CAVIN2: variants seen among roughly 807,000 people sequenced by gnomAD.
CAVIN2 encodes the protein caveolae associated protein 2.
Under a neutral mutation model 11.7 loss-of-function variants are expected in CAVIN2, and 13 were observed. That is an observed-to-expected ratio of 1.11 (90% CI 0.72 to 1.77). CAVIN2 has a LOEUF of 1.77. CAVIN2 is among the 40% of genes most tolerant of loss of function. The pLI, the probability that CAVIN2 is intolerant of heterozygous loss-of-function variation, is 0.00. For missense variants in CAVIN2, 549 were observed against 542.9 expected (o/e 1.01, Z -0.11); for synonymous variants, 237 against 223.2 (o/e 1.06, Z -0.55).
In CAVIN2 at chr2:191,836,230, A is replaced by T. The variant is rs1460980847; in HGVS notation, c.971T>A (p.Met324Lys). The change falls in exon 2 of 2, where the codon ATG becomes AAG. Residue 324 changes from methionine (M) to lysine (K), a missense_variant. Transcript: ENST00000304141. ...GGACTCCTCTTCCTGGTCATTTGGC[A>T]TCTGCTCACTGCTAGGCAGGTCTTC... ...KSEDLPSSEQ[M>K]PNDQEEESFA... 6.2e-7 allele frequency: 1 copy of T among 1,614,070 alleles called. No homozygotes were observed. The highest frequency in any genetic ancestry group is 1.3e-5 in the African/African-American group (1 of 75,042).
At chr2:191,836,907 G>T (rs1690030934) in intron 1 of CAVIN2, among the ~76,000 whole-genome samples, 190 bp from the exon 2 acceptor site, 1 of 152,166 alleles carries the variant, frequency 6.6e-6, no homozygotes, top group South Asian at 2.1e-4. Context: ...GCTGGATAAG[G>T]CCAAGGGCAG....
intron 1 of CAVIN2, among the ~76,000 whole-genome samples, chr2:191,843,543 G>A (rs1050156652): frequency 6.6e-6 from 1 of 152,184 alleles, no homozygotes; most frequent in Non-Finnish European, 1.5e-5. Context: ...TGAAGATTAT[G>A]CTGTGACTGG....
rs778469005 is a variant in CAVIN2, at chr2:191,846,435, G to A, written c.483+8C>T. On this transcript the variant is annotated splice_region_variant and intron_variant, in intron 1 of 1. Coordinates refer to ENST00000304141, the MANE Select transcript of CAVIN2 (RefSeq NM_004657.6). ...GCCCGCCTGTAAGGAGGCATAGGGG[G>A]AACTGACCTGGAAGATGAGCACTTT... 2 of 1,606,458 alleles carry A rather than the reference G, an allele frequency of 1.2e-6. No individual in the cohort carries two copies. The highest frequency in any genetic ancestry group is 1.7e-6 in the Non-Finnish European group (2 of 1,175,722).
chr2:191,843,850 T>G (rs1033988244), intron 1 of CAVIN2, among the ~76,000 whole-genome samples: 10 of 152,212 alleles, frequency 6.6e-5, no homozygotes, highest in African/African-American at 2.4e-4. Context: ...TGTTATTTCT[T>G]TCATTCCTCA....
rs371428159 is a variant in CAVIN2, at chr2:191,846,870, C to T, written c.56G>A (p.Arg19Gln). ...EKFQHPGSDMRQEKPSSPSPM... is the reference protein window; with the variant it reads ...EKFQHPGSDMQQEKPSSPSPM... ...GCTGGGGCTCGAGGGCTTTTCCTGCCGCATGTCAGACCCAGGGTGCTGGAA... is the reference window on the plus strand; with the variant it reads ...GCTGGGGCTCGAGGGCTTTTCCTGCTGCATGTCAGACCCAGGGTGCTGGAA... Residue 19 changes from arginine to glutamine, a missense_variant, in exon 1 of 2, where the codon CGG becomes CAG. Physicochemically the swap from Arg to Gln is conservative, Grantham distance 43. Coordinates refer to ENST00000304141, the MANE Select transcript of CAVIN2 (RefSeq NM_004657.6). 30 of 1,613,882 alleles carry T rather than the reference C, an allele frequency of 1.9e-5. No individual in the cohort carries two copies. The highest frequency in any genetic ancestry group is 2.5e-5 in the Non-Finnish European group (29 of 1,179,952).
intron 1 of CAVIN2, 114 bp from the exon 2 acceptor site, chr2:191,836,831 G>T: frequency 2.0e-6 from 2 of 1,021,186 alleles, no homozygotes; most frequent in Non-Finnish European, 2.8e-6. Flanking sequence ...AAAAACAAAT[G>T]TTTGTGGCTT....
At chr2:191,836,748 T>C (rs1239317716) in intron 1 of CAVIN2, 31 bp from the exon 2 acceptor site, 1 of 1,578,460 alleles carries the variant, frequency 6.3e-7, no homozygotes, top group Non-Finnish European at 8.6e-7. Context: ...GGTTTCATGT[T>C]AATAACATAT....
intron 1 of CAVIN2, among the ~76,000 whole-genome samples, chr2:191,837,349 A>C (rs983768505): frequency 6.6e-6 from 1 of 152,112 alleles, no homozygotes; most frequent in South Asian, 2.1e-4. Flanking sequence ...CTGGGGGTGC[A>C]CTCAGGAAGC....
intron 1 of CAVIN2, among the ~76,000 whole-genome samples, chr2:191,843,204 ATG>A (rs2105737544): frequency 6.6e-6 from 1 of 152,300 alleles, no homozygotes; most frequent in South Asian, 2.1e-4. Flanking sequence ...AAGAAAAAAA[ATG>A]TGTAAGTATC....
At chr2:191,840,341 C>T (rs1422146094) in intron 1 of CAVIN2, among the ~76,000 whole-genome samples, 1 of 152,194 alleles carries the variant, frequency 6.6e-6, no homozygotes, top group Non-Finnish European at 1.5e-5. Flanking sequence ...GGCTGCACTG[C>T]TTCCTTTGGT....
Position 191,835,594 on chromosome 2 carries a change from A to T in CAVIN2, c.*329T>A, listed in dbSNP as rs1690000681. ...ATGGAATGACAAAAAAGAATGAATC[A>T]CTTTTCATGACTAGTATCTTAATTA... On this transcript the variant is annotated 3_prime_UTR_variant, in exon 2 of 2. Transcript: ENST00000304141. 1 of 277,916 alleles carries T rather than the reference A, an allele frequency of 3.6e-6. No homozygotes were observed. The highest frequency in any genetic ancestry group is 4.7e-5 in the Admixed American group (1 of 21,386). The allele number at this position is 277,916 out of a possible 1,614,324, so 17.2% of individuals were successfully genotyped here.
intron 1 of CAVIN2, among the ~76,000 whole-genome samples, chr2:191,842,921 CGCCTATAA>C (rs1342566065): frequency 6.6e-6 from 1 of 152,230 alleles, no homozygotes; most frequent in African/African-American, 2.4e-5. Flanking sequence ...TAGTGGCTCA[CGCCTATAA>C]TCCCAGCACT....
chr2:191,837,387 G>C lies in CAVIN2; in HGVS notation c.484-670C>G, dbSNP rs184334036. 4.1e-4 allele frequency among the ~76,000 whole-genome samples: 62 copies of C among 152,302 alleles called. 1 individual carries two copies. The East Asian group carries it at 6.4e-3, about 16-fold the overall frequency. ...TCTGGTTTAGAATATCCTTTGGGGAGTTACTAAGCGGAGGTGAGATCTTAG... is the reference window on the plus strand; with the variant it reads ...TCTGGTTTAGAATATCCTTTGGGGACTTACTAAGCGGAGGTGAGATCTTAG... On this transcript the variant is annotated intron_variant, in intron 1 of 1. Coordinates refer to ENST00000304141, the MANE Select transcript of CAVIN2 (RefSeq NM_004657.6).
At chr2:191,842,379 G>A (rs1037095803) in intron 1 of CAVIN2, among the ~76,000 whole-genome samples, 12 of 152,278 alleles carry the variant, frequency 7.9e-5, no homozygotes, top group African/African-American at 2.9e-4. Context: ...TAGAACCTAA[G>A]AGGACGTAAG....
rs1690007744 is a variant in CAVIN2, at chr2:191,835,977, G to C, written c.1224C>G (p.Arg408=). Residue 408 remains arginine, a synonymous_variant, in exon 2 of 2, where the codon CGC becomes CGG. Coordinates refer to ENST00000304141, the MANE Select transcript of CAVIN2 (RefSeq NM_004657.6). The part of the protein sequence containing the change: ...SYALTSEEAE[R]SDGDPVQPAV... Reference sequence around the variant, plus strand: ...CGGGCTGCACGGGGTCCCCATCGGAGCGCTCCGCCTCCTCGGATGTTAGCG... The same window carrying C: ...CGGGCTGCACGGGGTCCCCATCGGACCGCTCCGCCTCCTCGGATGTTAGCG... The C allele has an allele frequency of 6.2e-7, 1 of 1,613,998 alleles. No homozygotes were observed. Among genetic ancestry groups the C allele is most frequent in the Non-Finnish European group, 8.5e-7 (1 of 1,180,050 alleles).
At chr2:191,840,165 T>C (rs1393815840) in intron 1 of CAVIN2, among the ~76,000 whole-genome samples, 1 of 152,240 alleles carries the variant, frequency 6.6e-6, no homozygotes, top group Non-Finnish European at 1.5e-5. Flanking sequence ...CCTCCTGTTG[T>C]AGTGTTTCTG....
At chr2:191,845,403 A>G (rs1018190189) in intron 1 of CAVIN2, among the ~76,000 whole-genome samples, 3 of 152,280 alleles carry the variant, frequency 2.0e-5, no homozygotes, top group South Asian at 2.1e-4. Flanking sequence ...GCCTTTCACA[A>G]TCAAACTGTT....
chr2:191,845,197 A>C (rs1357563713), intron 1 of CAVIN2, among the ~76,000 whole-genome samples: 1 of 152,214 alleles, frequency 6.6e-6, no homozygotes, highest in Non-Finnish European at 1.5e-5. Context: ...GTAGAGGAGG[A>C]CATAGGCTCC....
chr2:191,845,804 A>T (rs958520820), intron 1 of CAVIN2, among the ~76,000 whole-genome samples: 3 of 152,178 alleles, frequency 2.0e-5, no homozygotes, highest in Non-Finnish European at 4.4e-5. Flanking sequence ...GAACAAGGAG[A>T]GGCACGTCTA....
Sources: allele counts gnomAD v4.1 joint callset (sites outside exome capture counted in the v4.1 genomes callset), GRCh38; gene constraint gnomAD v4.1.1; transcripts MANE v1.5; gene names NCBI Gene and HGNC (gene_info 2026-07-23, HGNC 2026-07-21).